The following PARD3 variants were observed in gnomAD, a reference collection of about 807,000 sequenced individuals.
PARD3 encodes partitioning defective 3 homolog.
A neutral mutation model predicts 155.4 loss-of-function variants in PARD3; 75 were observed. The ratio of observed to expected loss-of-function variants is 0.48; its 90% CI spans 0.40 to 0.58. The LOEUF (loss-of-function observed/expected upper bound fraction) is 0.58. Ranked by LOEUF, PARD3 falls within the 20% of genes least tolerant of loss-of-function variation. The pLI is 0.00. For missense variants in PARD3, 1,642 were observed against 1,721.7 expected (o/e 0.95, Z 0.82); for synonymous variants, 576 against 610.5 (o/e 0.94, Z 0.83).
chr10:34,687,526 A>G (rs2133393873), intron 2 of PARD3, among the ~76,000 whole-genome samples: 1 of 152,172 alleles, frequency 6.6e-6, no homozygotes, highest in South Asian at 2.1e-4. Context: ...AAACGTGCAA[A>G]CTCTTCAAAC....
chr10:34,174,549 T>G (rs191391880), intron 22 of PARD3, among the ~76,000 whole-genome samples: 169 of 152,302 alleles, frequency 1.1e-3, no homozygotes, highest in Non-Finnish European at 8.5e-4. Context: ...TGGTGCTTAG[T>G]GCACAGTGAG....
In PARD3 at chr10:34,284,190, G is replaced by A; in HGVS notation, c.3121C>T (p.Gln1041Ter). ...KIEKTGKIKI[Q>*]ESFTSEEERI... ...TCCTCTTCTGATGTAAAGGATTCCT[G>A]TATTTTTATTTTACCCGTTTTCTCA... The change falls in exon 21 of 25, where the codon CAG (glutamine) becomes TAG (stop). Residue 1041 changes from glutamine to a stop codon, truncating the protein, a stop_gained. Coordinates refer to ENST00000374788, the MANE Select transcript of PARD3 (RefSeq NM_001184785.2). LOFTEE classifies it high-confidence loss of function. 2 of 1,609,668 alleles carry A rather than the reference G, an allele frequency of 1.2e-6. No homozygotes were observed. Among genetic ancestry groups the A allele is most frequent in the Non-Finnish European group, 1.7e-6 (2 of 1,178,086 alleles).
At chr10:34,197,179 A>G (rs955540265) in intron 22 of PARD3, among the ~76,000 whole-genome samples, 6 of 152,218 alleles carry the variant, frequency 3.9e-5, no homozygotes, top group Admixed American at 3.9e-4. Flanking sequence ...CACTTAGCTC[A>G]TAATCTTAAA....
chr10:34,797,923 G>C (rs531826552), intron 1 of PARD3, among the ~76,000 whole-genome samples: 1 of 152,248 alleles, frequency 6.6e-6, no homozygotes, highest in Non-Finnish European at 1.5e-5. Flanking sequence ...AAAATTAACA[G>C]GCAGGAGAAT....
At chr10:34,287,418 G>C (rs1166112514) in intron 20 of PARD3, among the ~76,000 whole-genome samples, 1 of 151,882 alleles carries the variant, frequency 6.6e-6, no homozygotes, top group South Asian at 2.1e-4. Flanking sequence ...ATACAACTCT[G>C]CACCATAATT....
At chr10:34,498,028 A>C (rs371699363) in intron 3 of PARD3, among the ~76,000 whole-genome samples, 2 of 152,200 alleles carry the variant, frequency 1.3e-5, no homozygotes, top group Non-Finnish European at 2.9e-5. Context: ...TACCTCCTCA[A>C]AGAACTTCTT....
chr10:34,640,614 G>A (rs936445039), intron 2 of PARD3, among the ~76,000 whole-genome samples: 3 of 146,006 alleles, frequency 2.1e-5, no homozygotes, highest in African/African-American at 7.6e-5. Context: ...GGGGGCTGAA[G>A]CACGAGTTTG....
At chr10:34,670,766 G>A (rs191830681) in intron 2 of PARD3, among the ~76,000 whole-genome samples, 2 of 152,314 alleles carry the variant, frequency 1.3e-5, no homozygotes, top group East Asian at 1.9e-4. Context: ...GTGAACAGTT[G>A]CAATCCCTTC....
intron 3 of PARD3, among the ~76,000 whole-genome samples, chr10:34,500,392 T>C (rs1391300732): frequency 6.6e-6 from 1 of 152,206 alleles, no homozygotes; most frequent in East Asian, 1.9e-4. Context: ...TGAAGACTCA[T>C]TAGAACCAAT....
intron 2 of PARD3, among the ~76,000 whole-genome samples, chr10:34,577,271 A>T (rs2086967177): frequency 1.3e-5 from 2 of 152,228 alleles, no homozygotes; most frequent in South Asian, 4.1e-4. Flanking sequence ...GAACTCATTA[A>T]TACACCTGCA....
intron 2 of PARD3, among the ~76,000 whole-genome samples, chr10:34,522,187 C>T (rs979500763): frequency 1.3e-5 from 2 of 152,266 alleles, no homozygotes; most frequent in African/African-American, 4.8e-5. Flanking sequence ...TGGAGAGCCA[C>T]GCCTGGCTGC....
chr10:34,287,214 C>A (rs1159561444), intron 20 of PARD3, among the ~76,000 whole-genome samples: 1 of 152,142 alleles, frequency 6.6e-6, no homozygotes, highest in African/African-American at 2.4e-5. Flanking sequence ...TGTACAAATC[C>A]TAACTTCCAG....
chr10:34,539,440 G>A lies in PARD3; in HGVS notation c.223-22281C>T, dbSNP rs142682304. ...TTCCAGCACTTTGGGAAGCCAAGGC[G>A]GGCAGATCACCTAAGGTCAGGAGTT... On this transcript the variant is annotated intron_variant, in intron 2 of 24. Transcript: ENST00000374788. 4.1e-3 allele frequency among the ~76,000 whole-genome samples: 618 copies of A among 152,268 alleles called. 2 individuals carry two copies. The highest frequency in any genetic ancestry group is 0.026 in the East Asian group (133 of 5,172).
intron 1 of PARD3, among the ~76,000 whole-genome samples, chr10:34,728,564 T>TGG (rs1331955388): frequency 6.6e-6 from 1 of 152,168 alleles, no homozygotes; most frequent in African/African-American, 2.4e-5. Flanking sequence ...ACTGACACAC[T>TGG]TGTGTTTGTC....
chr10:34,226,532 A>G (rs543170794), intron 22 of PARD3, among the ~76,000 whole-genome samples: 1 of 152,372 alleles, frequency 6.6e-6, no homozygotes, highest in East Asian at 1.9e-4. Context: ...CCTGGGGGAA[A>G]GAGCGAAACT....
chr10:34,606,986 AG>A (rs371094076), intron 2 of PARD3, among the ~76,000 whole-genome samples: 215 of 150,380 alleles, frequency 1.4e-3, no homozygotes, highest in African/African-American at 4.9e-3. Flanking sequence ...AAAAAAAAAA[AG>A]ACAGCCAAAC....
chr10:34,563,684 C>G (rs185646139), intron 2 of PARD3, among the ~76,000 whole-genome samples: 8 of 152,204 alleles, frequency 5.3e-5, no homozygotes, highest in Admixed American at 3.9e-4. Context: ...GCATGTGCCA[C>G]CAAGTCCAGC....
At position 34,542,290 on chromosome 10, in the gene PARD3, T is replaced by C. The variant is rs566034586; in HGVS notation, c.223-25131A>G. On this transcript the variant is annotated intron_variant, in intron 2 of 24. Transcript: ENST00000374788. ...CCACTGGGCTGCCAAGTGAAATGTA[T>C]TTTTTACTCTAGCGTAGTGATTCTC... Among the ~76,000 whole-genome samples, 5 of 151,610 alleles carry C rather than the reference T, an allele frequency of 3.3e-5. No homozygotes were observed. The South Asian group carries it at 8.4e-4, about 25-fold the overall frequency.
intron 5 of PARD3, among the ~76,000 whole-genome samples, chr10:34,435,376 TA>T (rs2076137649): frequency 6.6e-6 from 1 of 152,150 alleles, no homozygotes; most frequent in African/African-American, 2.4e-5. Flanking sequence ...ACAGAATTCT[TA>T]CCAGCCAGGA....
Sources: allele counts gnomAD v4.1 joint callset (sites outside exome capture counted in the v4.1 genomes callset), GRCh38; gene constraint gnomAD v4.1.1; transcripts MANE v1.5; gene names NCBI Gene and HGNC (gene_info 2026-07-23, HGNC 2026-07-21).